TENM3: variants seen among roughly 807,000 people sequenced by gnomAD.
The protein encoded by TENM3 is teneurin transmembrane protein 3, also known as teneurin-3.
A neutral mutation model predicts 255.1 loss-of-function variants in TENM3; 63 were observed. The ratio of observed to expected loss-of-function variants is 0.25; its 90% CI spans 0.20 to 0.30. The LOEUF is 0.30. TENM3 is among the 10% of genes least tolerant of loss of function. The pLI is 1.00. For synonymous variants in TENM3, 1,306 were observed against 1,322.3 expected (o/e 0.99, Z 0.27); for missense variants, 2,929 against 3,461.1 (o/e 0.85, Z 3.86).
At chr4:182,095,054 A>T in the TENM3 span, among the ~76,000 whole-genome samples, 1 of 152,210 alleles carries the variant, frequency 6.6e-6, no homozygotes, top group Non-Finnish European at 1.5e-5. Flanking sequence ...GTGGAGAAAG[A>T]AGAACCCTAC....
the TENM3 span, among the ~76,000 whole-genome samples, chr4:181,907,627 G>C: frequency 6.6e-6 from 1 of 152,098 alleles, no homozygotes; most frequent in African/African-American, 2.4e-5. Context: ...AGACAGCTCG[G>C]AGATACATCC....
chr4:182,284,730 A>G (rs1192697669), intron 1 of TENM3, among the ~76,000 whole-genome samples: 1 of 152,182 alleles, frequency 6.6e-6, no homozygotes, highest in East Asian at 1.9e-4. Flanking sequence ...TGTACTCTCA[A>G]CATTGTCTTT....
the TENM3 span, among the ~76,000 whole-genome samples, chr4:182,101,861 A>G: frequency 1.7e-3 from 258 of 152,340 alleles, no homozygotes; most frequent in Non-Finnish European, 3.3e-3. Context: ...ATGTATTCAT[A>G]TATATAAACA....
chr4:181,537,874 C>T, the TENM3 span, among the ~76,000 whole-genome samples: 26 of 152,334 alleles, frequency 1.7e-4, 1 homozygote, highest in Admixed American at 1.6e-3. Flanking sequence ...AACAGTAACA[C>T]ATTCATAACT....
intron 1 of TENM3, among the ~76,000 whole-genome samples, chr4:182,183,703 A>G (rs1335301686): frequency 6.6e-6 from 1 of 152,180 alleles, no homozygotes; most frequent in Non-Finnish European, 1.5e-5. Context: ...TGTCCCAAGT[A>G]GAAGCATACT....
chr4:181,706,805 A>G, the TENM3 span, among the ~76,000 whole-genome samples: 1 of 152,204 alleles, frequency 6.6e-6, no homozygotes, highest in Non-Finnish European at 1.5e-5. Context: ...GAATTAGCCC[A>G]GGCTTCTGGC....
the TENM3 span, among the ~76,000 whole-genome samples, chr4:181,845,479 G>A: frequency 1.8e-3 from 280 of 152,022 alleles, 2 homozygotes; most frequent in African/African-American, 6.4e-3. Flanking sequence ...TAGTGGATGG[G>A]GAAGGAAATA....
chr4:181,980,622 C>T, the TENM3 span, among the ~76,000 whole-genome samples: 1 of 152,022 alleles, frequency 6.6e-6, no homozygotes, highest in African/African-American at 2.4e-5. Context: ...TTAGTCTCAC[C>T]CTGTAAGTTT....
At chr4:181,554,128 G>A in the TENM3 span, among the ~76,000 whole-genome samples, 1 of 152,094 alleles carries the variant, frequency 6.6e-6, no homozygotes, top group African/African-American at 2.4e-5. Context: ...TGGAAAATCA[G>A]AGGCTGAAGC....
chr4:182,252,190 A>C (rs1758060049), intron 1 of TENM3, among the ~76,000 whole-genome samples: 1 of 152,112 alleles, frequency 6.6e-6, no homozygotes, highest in African/African-American at 2.4e-5. Flanking sequence ...CTCAAAAAAA[A>C]AAAACAACAA....
At chr4:181,531,074 A>G in the TENM3 span, among the ~76,000 whole-genome samples, 1 of 152,162 alleles carries the variant, frequency 6.6e-6, no homozygotes, top group Admixed American at 6.5e-5. Flanking sequence ...ATCAATTTTT[A>G]TTACATTCCA....
At chr4:182,790,022 T>G (rs531415231) in intron 25 of TENM3, among the ~76,000 whole-genome samples, 4 of 152,156 alleles carry the variant, frequency 2.6e-5, no homozygotes, top group Non-Finnish European at 4.4e-5. Flanking sequence ...AATGCTAAGT[T>G]GTATGCTGTG....
At chr4:181,959,033 G>T in the TENM3 span, among the ~76,000 whole-genome samples, 1 of 151,984 alleles carries the variant, frequency 6.6e-6, no homozygotes, top group Non-Finnish European at 1.5e-5. Context: ...GCATTGAATG[G>T]TTTTTTGTTG....
Position 182,796,773 on chromosome 4 carries a change from A to C in TENM3, c.7344+6A>C, listed in dbSNP as rs1165910328. The C allele has an allele frequency of 6.3e-7, 1 of 1,599,590 alleles. No individual in the cohort carries two copies. Among genetic ancestry groups the C allele is most frequent in the Non-Finnish European group, 8.5e-7 (1 of 1,172,350 alleles). On this transcript the variant is annotated splice_donor_region_variant and intron_variant, in intron 27 of 27. Transcript: ENST00000511685. The stretch of plus-strand genomic sequence containing the variant: ...AGCAGTGGGATGATATACCGGTAAG[A>C]AACAAAAAGACCTACGGAAAGGTGA...
the TENM3 span, among the ~76,000 whole-genome samples, chr4:182,071,503 T>C: frequency 6.6e-6 from 1 of 150,692 alleles, no homozygotes; most frequent in African/African-American, 2.4e-5. Context: ...TGGAGTGCAG[T>C]GGCGCGATCT....
At chr4:182,798,115 C>T (rs1561269666) in intron 27 of TENM3, among the ~76,000 whole-genome samples, 1 of 152,098 alleles carries the variant, frequency 6.6e-6, no homozygotes, top group Non-Finnish European at 1.5e-5. Flanking sequence ...TCAAGCGATC[C>T]TCCCACCTCA....
the TENM3 span, among the ~76,000 whole-genome samples, chr4:181,823,095 G>T: frequency 6.6e-6 from 1 of 152,162 alleles, no homozygotes; most frequent in Non-Finnish European, 1.5e-5. Context: ...TTCAGAGTAC[G>T]AAGTCAAGCA....
At chr4:181,888,517 T>TACAC in the TENM3 span, among the ~76,000 whole-genome samples, 7 of 14,526 alleles carry the variant, frequency 4.8e-4, no homozygotes, top group Non-Finnish European at 9.0e-4. Context: ...TATATATATG[T>TACAC]ATATATATAC....
At chr4:182,635,674 C>A (rs1751782454) in intron 5 of TENM3, among the ~76,000 whole-genome samples, 1 of 152,170 alleles carries the variant, frequency 6.6e-6, no homozygotes, top group African/African-American at 2.4e-5. Context: ...ACAGCTGCTA[C>A]CAACTGATTT....
Sources: allele counts gnomAD v4.1 joint callset (sites outside exome capture counted in the v4.1 genomes callset), GRCh38; gene constraint gnomAD v4.1.1; transcripts MANE v1.5; gene names NCBI Gene and HGNC (gene_info 2026-07-23, HGNC 2026-07-21).